The following DUOX2 variants were observed in gnomAD, a reference collection of about 807,000 sequenced individuals.
DUOX2 encodes the protein dual oxidase 2.
In DUOX2, 185 loss-of-function variants were observed where a neutral mutation model predicts 183.3. That is an observed-to-expected ratio of 1.01 (90% CI 0.90 to 1.14). The LOEUF (loss-of-function observed/expected upper bound fraction) is 1.14. DUOX2 is among the 50% of genes most tolerant of loss of function. The pLI, the probability that DUOX2 is intolerant of heterozygous loss-of-function variation, is 0.00. For missense variants in DUOX2, 1,999 were observed against 2,022.9 expected (o/e 0.99, Z 0.23); for synonymous variants, 788 against 812.4 (o/e 0.97, Z 0.51).
intron 18 of DUOX2, among the ~76,000 whole-genome samples, chr15:45,104,831 G>A (rs191342694): frequency 1.3e-5 from 2 of 152,140 alleles, no homozygotes; most frequent in African/African-American, 4.8e-5. Context: ...TTTTTTGTTT[G>A]TTTTTTTGAG....
chr15:45,112,028 A>C, intron 4 of DUOX2, 73 bp from the exon 5 acceptor site: 1 of 1,565,172 alleles, frequency 6.4e-7, no homozygotes, highest in Non-Finnish European at 8.7e-7. Context: ...GCGGCCTCCA[A>C]GTGTCCTCAG....
chr15:45,105,623 A>G lies in DUOX2; in HGVS notation c.2334+20T>C. The G allele has an allele frequency of 6.2e-7, 1 of 1,614,128 alleles. No homozygotes were observed. Among genetic ancestry groups the G allele is most frequent in the African/African-American group, 1.3e-5 (1 of 75,046 alleles). ...ATTTCTGGGGCTGGACCCATCTCCA[A>G]AAGGCACAGGTCATGGCACCTGAGC... is the stretch of plus-strand genomic sequence containing the variant. On this transcript the variant is annotated intron_variant, in intron 18 of 33. Transcript: ENST00000389039.
Position 45,107,406 on chromosome 15 carries a change from C to T in DUOX2, c.1632G>A (p.Leu544=). 3 of 1,614,222 alleles carry T rather than the reference C, an allele frequency of 1.9e-6. No homozygotes were observed. The highest frequency in any genetic ancestry group is 2.7e-5 in the African/African-American group (2 of 75,046). The change falls in exon 14 of 34, where the codon CTG becomes CTA. Residue 544 remains leucine, a synonymous_variant. Transcript: ENST00000389039. ...DIRNTTLRDV[L]VAVINIDPSA... The stretch of plus-strand genomic sequence containing the variant: ...TGGGGTCAATGTTGATAACAGCGAC[C>T]AGCACGTCCCGCAGGGTGGTATTTC...
At chr15:45,102,559 C>G (rs1894109868) in intron 20 of DUOX2, among the ~76,000 whole-genome samples, 1 of 152,178 alleles carries the variant, frequency 6.6e-6, no homozygotes, top group African/African-American at 2.4e-5. Flanking sequence ...ACAGACTATG[C>G]AAGTTTGTGT....
rs1894152955 is a variant in DUOX2 at position 45,104,154 on chromosome 15, A to G, written c.2546T>C (p.Val849Ala). The change falls in exon 19 of 34, where the codon GTG (valine) becomes GCG (alanine). Residue 849 changes from valine to alanine, a missense_variant. By Grantham distance (64) the Val-to-Ala change is moderately conservative. Around this residue, in one of 3 missense-constraint regions of DUOX2, gnomAD observed 1,628 missense variants for 1,608.6 expected, o/e 1.01. Coordinates refer to ENST00000389039, the MANE Select transcript of DUOX2 (RefSeq NM_001363711.2). ...CAGCCCCCTACCTTTCATGAAGACC[A>G]CCAGGATGTCCAGGAACTCTCGGAA... ...LSFREFLDIL[V>A]VFMKGSPEDK... The G allele has an allele frequency of 6.2e-7, 1 of 1,614,164 alleles. No individual in the cohort carries two copies. Among genetic ancestry groups the G allele is most frequent in the Non-Finnish European group, 8.5e-7 (1 of 1,180,030 alleles).
Position 45,108,041 on chromosome 15 carries a change from C to G in DUOX2, c.1574+6G>C. 3.1e-6 allele frequency: 5 copies of G among 1,613,816 alleles called. No individual in the cohort carries two copies. The highest frequency in any genetic ancestry group is 4.2e-6 in the Non-Finnish European group (5 of 1,179,912). The stretch of plus-strand genomic sequence containing the variant: ...AGTCTGAGGTGGGGGCCCAGGCAAG[C>G]CTTACCCATTCCTGGTGTTCTCAAA... On this transcript the variant is annotated splice_donor_region_variant and intron_variant, in intron 13 of 33. Transcript: ENST00000389039.
At position 45,099,679 on chromosome 15, in the gene DUOX2, G is replaced by C; in HGVS notation, c.3398C>G (p.Ala1133Gly). 6.2e-7 allele frequency: 1 copy of C among 1,614,200 alleles called. No homozygotes were observed. Among genetic ancestry groups the C allele is most frequent in the Non-Finnish European group, 8.5e-7 (1 of 1,180,038 alleles). ...AVDFHRWIAMAAVVLAILHSA... is the reference protein window; with the variant it reads ...AVDFHRWIAMGAVVLAILHSA... ...TCACGTACTGGCCAGGACAACAGCAGCCATGGCGATCCAGCGGTGGAAGTC... is the reference window on the plus strand; with the variant it reads ...TCACGTACTGGCCAGGACAACAGCACCCATGGCGATCCAGCGGTGGAAGTC... Residue 1133 changes from alanine (A) to glycine (G), a missense_variant, in exon 25 of 34, where the codon GCT (alanine) becomes GGT (glycine). Ala to Gly is a moderately conservative substitution (Grantham distance 60). Around this residue, in one of 3 missense-constraint regions of DUOX2, gnomAD observed 1,628 missense variants for 1,608.6 expected, o/e 1.01. Coordinates refer to ENST00000389039, the MANE Select transcript of DUOX2 (RefSeq NM_001363711.2).
intron 28 of DUOX2, 73 bp downstream of exon 28, chr15:45,097,541 A>T: frequency 6.2e-7 from 1 of 1,613,138 alleles, no homozygotes; most frequent in Admixed American, 1.7e-5. Flanking sequence ...CTTGGATCCA[A>T]TTCTCCCTCT....
rs376718345 is a variant in DUOX2, at chr15:45,094,742, G to A, written c.4396-51C>T. 25 of 1,608,956 alleles carry A rather than the reference G, an allele frequency of 1.6e-5. No homozygotes were observed. The African/African-American group carries it at 2.9e-4, about 19-fold the overall frequency. On this transcript the variant is annotated intron_variant, in intron 32 of 33. Transcript: ENST00000389039. ...CAAAGACAGTCAGGGCCAGCACTCAGCCCGAGCCAGCCCACATAGCCCAAG... is the reference window on the plus strand; with the variant it reads ...CAAAGACAGTCAGGGCCAGCACTCAACCCGAGCCAGCCCACATAGCCCAAG...
At position 45,100,147 on chromosome 15, in the gene DUOX2, C is replaced by T. The variant is rs754034927; in HGVS notation, c.3087G>A (p.Gln1029=). 1 of 1,614,218 alleles carries T rather than the reference C, an allele frequency of 6.2e-7. No homozygotes were observed. The highest frequency in any genetic ancestry group is 8.5e-7 in the Non-Finnish European group (1 of 1,180,032). The change falls in exon 24 of 34, where the codon CAG becomes CAA. Residue 1029 remains glutamine (Q), a synonymous_variant. Transcript: ENST00000389039. ...MQRGFLAQKL[Q]QYKRFVENYR... is the part of the protein sequence containing the mutation. The stretch of plus-strand genomic sequence containing the variant: ...AGTTCTCCACGAAGCGCTTGTACTG[C>T]TGCAGCTTTTGGGCTAGGAAGCCTC...
Position 45,097,715 on chromosome 15 carries a change from C to T in DUOX2, c.3592G>A (p.Val1198Ile), listed in dbSNP as rs1566971888. Reference sequence around the variant, plus strand: ...GCGAAGACATACATGATGGCCAGGACCAGGAGCAGAAGCACACCTGTCATA... The same window carrying T: ...GCGAAGACATACATGATGGCCAGGATCAGGAGCAGAAGCACACCTGTCATA... ...PGMTGVLLLLVLAIMYVFASH... is the reference protein window; with the variant it reads ...PGMTGVLLLLILAIMYVFASH... The change falls in exon 28 of 34, where the codon GTC becomes ATC. Residue 1198 changes from valine to isoleucine, a missense_variant. This residue lies in a region of DUOX2 where 1,628 missense variants were observed against 1,608.6 expected (regional missense o/e 1.01). Coordinates refer to ENST00000389039, the MANE Select transcript of DUOX2 (RefSeq NM_001363711.2). The T allele has an allele frequency of 3.7e-6, 6 of 1,614,174 alleles. No homozygotes were observed. The highest frequency in any genetic ancestry group is 4.2e-6 in the Non-Finnish European group (5 of 1,180,032).
chr15:45,107,249 TG>T, intron 14 of DUOX2, 95 bp downstream of exon 14: 1 of 1,504,590 alleles, frequency 6.6e-7, no homozygotes, highest in Non-Finnish European at 9.3e-7. Flanking sequence ...AGAAGGTGCC[TG>T]GCTCCCTGGA....
In DUOX2 at chr15:45,095,902, C is replaced by A. The variant is rs1431849053; in HGVS notation, c.4006G>T (p.Val1336Leu). 6.2e-7 allele frequency: 1 copy of A among 1,613,872 alleles called. No individual in the cohort carries two copies. Among genetic ancestry groups the A allele is most frequent in the African/African-American group, 1.3e-5 (1 of 74,838 alleles). Residue 1336 changes from valine to leucine, a missense_variant, in exon 30 of 34, where the codon GTG (valine) becomes TTG (leucine). Transcript: ENST00000389039. ...EDTLSLHIRA[V>L]GPWTTRLREI... ...CTGAGGCGAGTGGTCCAGGGCCCCA[C>A]TGCCCGGATGTGCAGGCTGAGTGTG...
intron 20 of DUOX2, 60 bp downstream of exon 20, chr15:45,103,900 C>A (rs896002759): frequency 6.3e-7 from 1 of 1,577,518 alleles, no homozygotes; most frequent in Non-Finnish European, 8.7e-7. Flanking sequence ...TCTGACTGGA[C>A]CTGTTTTCCT....
rs753817499 is a variant in DUOX2 at position 45,108,028 on chromosome 15, G to A, written c.1574+19C>T. The A allele has an allele frequency of 1.2e-5, 19 of 1,613,820 alleles. No homozygotes were observed. The East Asian group carries it at 1.3e-4, about 11-fold the overall frequency. On this transcript the variant is annotated intron_variant, in intron 13 of 33. Coordinates refer to ENST00000389039, the MANE Select transcript of DUOX2 (RefSeq NM_001363711.2). ...CAGGCTGAGGAGCAGTCTGAGGTGG[G>A]GGCCCAGGCAAGCCTTACCCATTCC...
intron 12 of DUOX2, 108 bp from the exon 13 acceptor site, chr15:45,108,330 C>G (rs915241601): frequency 3.7e-6 from 5 of 1,344,162 alleles, no homozygotes; most frequent in Non-Finnish European, 5.2e-6. Context: ...GGCTGCTGCT[C>G]AGGCCTGATT....
chr15:45,105,665 A>T lies in DUOX2; in HGVS notation c.2312T>A (p.Phe771Tyr). 6.2e-7 allele frequency: 1 copy of T among 1,614,228 alleles called. No homozygotes were observed. The highest frequency in any genetic ancestry group is 8.5e-7 in the Non-Finnish European group (1 of 1,180,042). Reference protein sequence around the residue: ...KQQRERILEIFFRHLFAQVLD... With the variant: ...KQQRERILEIYFRHLFAQVLD... ...CACCTGAGCAAAAAGGTGTCTGAAG[A>T]AGATCTCCAGGATGCGTTCCCGCTG... is the stretch of plus-strand genomic sequence containing the variant. The change falls in exon 18 of 34, where the codon TTC (phenylalanine) becomes TAC (tyrosine). Residue 771 changes from phenylalanine (F) to tyrosine (Y), a missense_variant. Around this residue, in one of 3 missense-constraint regions of DUOX2, gnomAD observed 1,628 missense variants for 1,608.6 expected, o/e 1.01. Coordinates refer to ENST00000389039, the MANE Select transcript of DUOX2 (RefSeq NM_001363711.2).
At chr15:45,112,901 T>TC (rs769437857) in intron 3 of DUOX2, 86 bp downstream of exon 3, 6 of 1,559,648 alleles carry the variant, frequency 3.8e-6, no homozygotes, top group Non-Finnish European at 5.3e-6. Context: ...GGGCGCGTGT[T>TC]CCCCGCAGAT....
At chr15:45,113,309 A>T in intron 2 of DUOX2, 33 bp downstream of exon 2, 1 of 1,551,286 alleles carries the variant, frequency 6.4e-7, no homozygotes, top group East Asian at 2.4e-5. Flanking sequence ...GATCCTGGGG[A>T]ACACCCCGCC....
Sources: gnomAD v4.1 joint callset for allele counts (sites outside exome capture counted in the v4.1 genomes callset) on GRCh38, gnomAD v4.1.1 for gene constraint, gnomAD v4.1.1 regional missense constraint, MANE v1.5 for transcripts, NCBI Gene and HGNC (gene_info 2026-07-23, HGNC 2026-07-21) for gene names.